The following RALYL variants were observed in gnomAD, a reference collection of about 807,000 sequenced individuals.
RALYL encodes the protein RNA-binding Raly-like protein.
A neutral mutation model predicts 35.1 loss-of-function variants in RALYL; 29 were observed. The ratio of observed to expected loss-of-function variants is 0.83; its 90% CI spans 0.61 to 1.13. The LOEUF is 1.13. Ranked by LOEUF, RALYL falls within the 50% of genes most tolerant of loss-of-function variation. The pLI is 0.00. For missense variants in RALYL, 359 were observed against 360.4 expected, an observed-to-expected ratio of 1.00 and a Z score of 0.03; for synonymous variants, 120 against 127.6, an observed-to-expected ratio of 0.94 and a Z score of 0.40.
At chr8:84,742,352 A>G (rs1211841802) in intron 2 of RALYL, among the ~76,000 whole-genome samples, 1 of 152,080 alleles carries the variant, frequency 6.6e-6, no homozygotes, top group Admixed American at 6.6e-5. Context: ...CCTATAAAAA[A>G]GCTATTAGCA....
chr8:84,758,271 A>G (rs1811901152), intron 2 of RALYL, among the ~76,000 whole-genome samples: 1 of 152,202 alleles, frequency 6.6e-6, no homozygotes, highest in African/African-American at 2.4e-5. Context: ...TTTGGTGGAA[A>G]GGAGTAATAC....
chr8:84,325,449 A>G (rs184988915), intron 1 of RALYL, among the ~76,000 whole-genome samples: 61 of 152,326 alleles, frequency 4.0e-4, no homozygotes, highest in African/African-American at 1.3e-3. Flanking sequence ...GGATTTTGAC[A>G]TTTCTTCATT....
chr8:84,332,705 T>A (rs1049103075), intron 1 of RALYL, among the ~76,000 whole-genome samples: 2 of 152,294 alleles, frequency 1.3e-5, no homozygotes, highest in Non-Finnish European at 2.9e-5. Context: ...CTGCTGCCAG[T>A]GCCTGTCTTC....
At chr8:84,616,668 T>C (rs1255196708) in intron 2 of RALYL, among the ~76,000 whole-genome samples, 1 of 151,482 alleles carries the variant, frequency 6.6e-6, no homozygotes, top group African/African-American at 2.4e-5. Flanking sequence ...GTCCTTGCCA[T>C]GCCTATGTCC....
chr8:84,379,658 C>T (rs954380076), intron 1 of RALYL, among the ~76,000 whole-genome samples: 2 of 151,208 alleles, frequency 1.3e-5, no homozygotes, highest in African/African-American at 4.9e-5. Flanking sequence ...AACAAACAAA[C>T]AAACAAAAAA....
Position 84,905,107 on chromosome 8 carries a change from C to T in RALYL, c.859-15787C>T, listed in dbSNP as rs1262612716. Among the ~76,000 whole-genome samples the T allele has an allele frequency of 2.0e-5, 3 of 152,232 alleles. No homozygotes were observed. In the East Asian group the frequency reaches 5.8e-4, roughly 29 times the overall value. ...TTAGCAACACCTTCATTTCTCTCTG[C>T]CCCCTGGTAACTACCATTTCACTCT... On this transcript the variant is annotated intron_variant, in intron 8 of 8. Transcript: ENST00000521268.
chr8:84,779,461 T>C (rs374120058), intron 3 of RALYL, among the ~76,000 whole-genome samples: 22 of 152,320 alleles, frequency 1.4e-4, no homozygotes, highest in African/African-American at 5.1e-4. Flanking sequence ...ATGTAGTATA[T>C]ATAGTTTCAT....
chr8:84,850,241 G>A (rs1414211436), intron 5 of RALYL, among the ~76,000 whole-genome samples: 5 of 152,092 alleles, frequency 3.3e-5, no homozygotes, highest in Non-Finnish European at 7.4e-5. Context: ...GACTTTGGAG[G>A]TGCTCAAACC....
chr8:84,227,739 T>C (rs995277174), intron 1 of RALYL, among the ~76,000 whole-genome samples: 1 of 152,198 alleles, frequency 6.6e-6, no homozygotes, highest in African/African-American at 2.4e-5. Context: ...AAGTTAAGAA[T>C]TAATTATGAT....
intron 1 of RALYL, among the ~76,000 whole-genome samples, chr8:84,464,070 A>G (rs939645027): frequency 1.3e-5 from 2 of 151,110 alleles, no homozygotes; most frequent in Non-Finnish European, 3.0e-5. Flanking sequence ...TTTTATTAAT[A>G]TATTTTTAAA....
At chr8:84,385,006 C>T (rs1281115034) in intron 1 of RALYL, among the ~76,000 whole-genome samples, 1 of 151,762 alleles carries the variant, frequency 6.6e-6, no homozygotes, top group African/African-American at 2.4e-5. Context: ...ATAAAGAGAA[C>T]CTATTGGTAC....
At chr8:84,458,581 T>G (rs966060958) in intron 1 of RALYL, among the ~76,000 whole-genome samples, 1 of 151,698 alleles carries the variant, frequency 6.6e-6, no homozygotes, top group Non-Finnish European at 1.5e-5. Context: ...TCTTTCTTCT[T>G]GAGGAAAAAA....
chr8:84,548,508 T>C (rs1026223199), intron 2 of RALYL, among the ~76,000 whole-genome samples: 1 of 152,198 alleles, frequency 6.6e-6, no homozygotes, highest in African/African-American at 2.4e-5. Flanking sequence ...TTTTGTCATC[T>C]GTATGGATGT....
At chr8:84,611,775 T>G (rs1217482466) in intron 2 of RALYL, among the ~76,000 whole-genome samples, 1 of 152,114 alleles carries the variant, frequency 6.6e-6, no homozygotes, top group Non-Finnish European at 1.5e-5. Context: ...CTCATTATCA[T>G]TGTATCTCCA....
intron 8 of RALYL, among the ~76,000 whole-genome samples, chr8:84,900,786 A>C (rs1845554826): frequency 1.3e-5 from 2 of 152,334 alleles, no homozygotes; most frequent in South Asian, 4.1e-4. Flanking sequence ...AAGTGACCAC[A>C]ATGTTAGTGT....
At chr8:84,300,748 C>G (rs138789006) in intron 1 of RALYL, among the ~76,000 whole-genome samples, 1 of 152,056 alleles carries the variant, frequency 6.6e-6, no homozygotes, top group East Asian at 1.9e-4. Flanking sequence ...ACAACCCCTG[C>G]TTTTTGGTTT....
intron 1 of RALYL, among the ~76,000 whole-genome samples, chr8:84,200,931 T>G (rs1816684952): frequency 6.6e-6 from 1 of 152,190 alleles, no homozygotes. Context: ...AATGTTTTAG[T>G]GTAGTTATCC....
At chr8:84,258,128 G>A (rs536914292) in intron 1 of RALYL, among the ~76,000 whole-genome samples, 1 of 152,262 alleles carries the variant, frequency 6.6e-6, no homozygotes, top group Admixed American at 6.5e-5. Flanking sequence ...CATGTACGTA[G>A]TGTTGTTTAT....
intron 1 of RALYL, among the ~76,000 whole-genome samples, chr8:84,347,841 A>T (rs1329173652): frequency 6.6e-6 from 1 of 152,130 alleles, no homozygotes; most frequent in Non-Finnish European, 1.5e-5. Flanking sequence ...AGACAAATTA[A>T]ATTCAGCAAA....
Sources: gnomAD v4.1 joint callset for allele counts (sites outside exome capture counted in the v4.1 genomes callset) on GRCh38, gnomAD v4.1.1 for gene constraint, MANE v1.5 for transcripts, NCBI Gene and HGNC (gene_info 2026-07-23, HGNC 2026-07-21) for gene names.